Variants in FOXJ3 observed in about 807,000 individuals in gnomAD.
FOXJ3 encodes forkhead box protein J3.
In FOXJ3, 22 loss-of-function variants were observed where a neutral mutation model predicts 76.1. The ratio of observed to expected loss-of-function variants is 0.29; its 90% CI spans 0.21 to 0.41. The LOEUF (loss-of-function observed/expected upper bound fraction) is 0.41. Among genes scored for constraint, FOXJ3 ranks in the 10% least tolerant of loss-of-function variants. FOXJ3 has a pLI of 1.00. For missense variants in FOXJ3, 613 were observed against 762.1 expected, an observed-to-expected ratio of 0.80 and a Z score of 2.30; for synonymous variants, 269 against 261.2, an observed-to-expected ratio of 1.03 and a Z score of -0.29.
At chr1:42,236,055 G>T (rs141992643) in intron 4 of FOXJ3, among the ~76,000 whole-genome samples, 53 of 152,242 alleles carry the variant, frequency 3.5e-4, no homozygotes, top group Non-Finnish European at 6.2e-4. Flanking sequence ...AAACTGAACT[G>T]CCATTTTAGA....
chr1:42,325,629 G>GT (rs1001564439), intron 1 of FOXJ3, among the ~76,000 whole-genome samples: 25 of 152,134 alleles, frequency 1.6e-4, no homozygotes, highest in Non-Finnish European at 2.4e-4. Context: ...TAACAATTTG[G>GT]TTTTTTATTA....
chr1:42,254,686 T>C (rs343397), intron 4 of FOXJ3, among the ~76,000 whole-genome samples: 89,353 of 134,646 alleles, frequency 0.66, 29,708 homozygotes, highest in Admixed American at 0.76. Context: ...AAATTGGAAA[T>C]CATCATTCTC....
intron 4 of FOXJ3, among the ~76,000 whole-genome samples, chr1:42,248,691 G>A (rs1290112649): frequency 1.4e-5 from 2 of 146,328 alleles, no homozygotes; most frequent in African/African-American, 2.5e-5. Flanking sequence ...AGCAAAGCCA[G>A]TGATATTGTC....
chr1:42,293,964 A>C (rs930124363), intron 2 of FOXJ3, among the ~76,000 whole-genome samples: 1 of 152,190 alleles, frequency 6.6e-6, no homozygotes, highest in African/African-American at 2.4e-5. Flanking sequence ...GGGTGGAATA[A>C]TCTTTTTGTT....
intron 11 of FOXJ3, among the ~76,000 whole-genome samples, chr1:42,187,268 G>A (rs1646457157): frequency 6.6e-6 from 1 of 152,236 alleles, no homozygotes; most frequent in African/African-American, 2.4e-5. Flanking sequence ...ATATACATAA[G>A]CTATTTAATT....
chr1:42,225,644 G>C (rs1647495246), intron 5 of FOXJ3, among the ~76,000 whole-genome samples: 2 of 152,042 alleles, frequency 1.3e-5, no homozygotes, highest in South Asian at 4.1e-4. Flanking sequence ...AAAGGCCCTG[G>C]TATGTTTATG....
At position 42,198,249 on chromosome 1, in the gene FOXJ3, A is replaced by AT. The variant is rs199952973; in HGVS notation, c.759+852dup. ...CTTCTCCATTGTGGGATAATACTTT[A>AT]TTTTTTTTTACAGAGCAATAATAAT... On this transcript the variant is annotated intron_variant, in intron 7 of 12. Coordinates refer to ENST00000361346, the MANE Select transcript of FOXJ3 (RefSeq NM_014947.5). Among the ~76,000 whole-genome samples the AT allele has an allele frequency of 4.2e-3, 640 of 151,016 alleles. 3 individuals are homozygous for AT. Among genetic ancestry groups the AT allele is most frequent in the African/African-American group, 0.014 (588 of 41,256 alleles).
At chr1:42,315,399 GTTC>G (rs1158761686) in intron 1 of FOXJ3, 1 of 984,578 alleles carries the variant, frequency 1.0e-6, no homozygotes, top group African/African-American at 1.7e-5. Flanking sequence ...TCATCTGTAG[GTTC>G]TTATTTCTCA....
chr1:42,334,691 G>T (rs974218884), intron 1 of FOXJ3, among the ~76,000 whole-genome samples: 25 of 152,120 alleles, frequency 1.6e-4, no homozygotes, highest in African/African-American at 5.3e-4. Context: ...CCAGGCCAAG[G>T]GACAGGTCAT....
intron 6 of FOXJ3, among the ~76,000 whole-genome samples, chr1:42,202,066 C>G (rs1646774709): frequency 1.3e-5 from 2 of 152,036 alleles, no homozygotes. Context: ...TTCCAGATAT[C>G]AGCAAATTGT....
chr1:42,265,126 C>A lies in FOXJ3; in HGVS notation c.433G>T (p.Asp145Tyr). 1 of 1,578,908 alleles carries A rather than the reference C, an allele frequency of 6.3e-7. No homozygotes were observed. Among genetic ancestry groups the A allele is most frequent in the South Asian group, 1.1e-5 (1 of 89,976 alleles). Residue 145 changes from aspartate (D) to tyrosine (Y), a missense_variant, in exon 4 of 13, where the codon GAC becomes TAC. Around this residue, in one of 3 missense-constraint regions of FOXJ3, gnomAD observed 526 missense variants for 601.4 expected, o/e 0.87. Coordinates refer to ENST00000361346, the MANE Select transcript of FOXJ3 (RefSeq NM_014947.5). ...CFLKVPRSKD[D>Y]PGKGSYWAID... ...AAGATGAATCCTACCTTTCCAGGGTCATCCTTAGATCGAGGCACTTTAAGG... is the reference window on the plus strand; with the variant it reads ...AAGATGAATCCTACCTTTCCAGGGTAATCCTTAGATCGAGGCACTTTAAGG...
At chr1:42,253,885 T>C (rs1349179696) in intron 4 of FOXJ3, among the ~76,000 whole-genome samples, 2 of 152,006 alleles carry the variant, frequency 1.3e-5, no homozygotes, top group Admixed American at 6.6e-5. Flanking sequence ...GGCATTACCA[T>C]TCAGGACATA....
At chr1:42,310,240 G>C (rs1224565639) in intron 2 of FOXJ3, among the ~76,000 whole-genome samples, 1 of 150,874 alleles carries the variant, frequency 6.6e-6, no homozygotes, top group African/African-American at 2.4e-5. Context: ...CCACCTCCCA[G>C]GTTCAAGTGA....
chr1:42,251,843 C>T (rs1488153096), intron 4 of FOXJ3, among the ~76,000 whole-genome samples: 3 of 151,160 alleles, frequency 2.0e-5, no homozygotes, highest in Admixed American at 2.0e-4. Context: ...CTCAGCCTCC[C>T]CTGTAGCTGG....
At chr1:42,302,354 T>C (rs1654204138) in intron 2 of FOXJ3, among the ~76,000 whole-genome samples, 1 of 152,236 alleles carries the variant, frequency 6.6e-6, no homozygotes. Context: ...AAGCTCTCTG[T>C]TGCCTCAAGC....
At chr1:42,301,496 C>G (rs1373222116) in intron 2 of FOXJ3, among the ~76,000 whole-genome samples, 1 of 152,194 alleles carries the variant, frequency 6.6e-6, no homozygotes, top group African/African-American at 2.4e-5. Context: ...AGGTACCACA[C>G]CGGACTTCGT....
intron 1 of FOXJ3, among the ~76,000 whole-genome samples, chr1:42,315,627 G>A (rs1304884606): frequency 6.6e-6 from 1 of 152,086 alleles, no homozygotes; most frequent in African/African-American, 2.4e-5. Context: ...TAGCCTTGTT[G>A]ACTGAAAGAA....
chr1:42,252,772 A>C (rs1570056316), intron 4 of FOXJ3, among the ~76,000 whole-genome samples: 1 of 152,284 alleles, frequency 6.6e-6, no homozygotes, highest in South Asian at 2.1e-4. Context: ...TTAGTGCTAT[A>C]AATTTCCCTC....
chr1:42,235,429 C>T (rs1271671150), intron 4 of FOXJ3, among the ~76,000 whole-genome samples: 1 of 152,230 alleles, frequency 6.6e-6, no homozygotes, highest in Non-Finnish European at 1.5e-5. Context: ...CTTTCTGACA[C>T]TCCCCAGTGA....
Sources: allele counts gnomAD v4.1 joint callset (sites outside exome capture counted in the v4.1 genomes callset), GRCh38; gene constraint gnomAD v4.1.1; regional missense constraint gnomAD v4.1.1; transcripts MANE v1.5; gene names NCBI Gene and HGNC (gene_info 2026-07-23, HGNC 2026-07-21).